Variants in OPCML observed in about 807,000 individuals in gnomAD.
The protein encoded by OPCML is opioid-binding protein/cell adhesion molecule.
Under a neutral mutation model 37.8 loss-of-function variants are expected in OPCML, and 13 were observed. The ratio of observed to expected loss-of-function variants is 0.34; its 90% CI spans 0.22 to 0.55. The LOEUF is 0.55. OPCML is among the 20% of genes least tolerant of loss of function. The pLI is 0.91. For synonymous variants in OPCML, 176 were observed against 168.8 expected, an observed-to-expected ratio of 1.04 and a Z score of -0.33; for missense variants, 341 against 435.6, an observed-to-expected ratio of 0.78 and a Z score of 1.93.
At chr11:132,712,493 T>C (rs1944308431) in intron 2 of OPCML, among the ~76,000 whole-genome samples, 1 of 152,210 alleles carries the variant, frequency 6.6e-6, no homozygotes, top group East Asian at 1.9e-4. Context: ...ACTGTTTCTT[T>C]CTTTTTAGCC....
rs1592143165 is a variant in OPCML at position 132,415,551 on chromosome 11, G to A, written c.*4642C>T. 6.6e-6 allele frequency: 1 copy of A among 152,188 alleles called. No homozygotes were observed. Among genetic ancestry groups the A allele is most frequent in the South Asian group, 2.1e-4 (1 of 4,832 alleles). The allele number at this position is 152,188 out of a possible 1,614,324, so 9.4% of individuals were successfully genotyped here. On this transcript the variant is annotated 3_prime_UTR_variant, in exon 8 of 8. Transcript: ENST00000524381. ...AATGTAGCCTCAAAAGGATGGTCGA[G>A]GGTTCGCAATCTTTCTTTCTCCACC... is the stretch of plus-strand genomic sequence containing the variant.
chr11:133,005,764 A>G (rs1216789910), intron 1 of OPCML: 2 of 983,130 alleles, frequency 2.0e-6, no homozygotes, highest in African/African-American at 1.7e-5. Flanking sequence ...TAAAAATTGA[A>G]TCACATTATT....
chr11:133,302,841 G>A (rs1486743262), intron 1 of OPCML, among the ~76,000 whole-genome samples: 1 of 152,084 alleles, frequency 6.6e-6, no homozygotes. Flanking sequence ...AATTTAAAGA[G>A]ATGTTACATA....
intron 1 of OPCML, among the ~76,000 whole-genome samples, chr11:133,232,320 T>C (rs2136390111): frequency 6.6e-6 from 1 of 152,368 alleles, no homozygotes; most frequent in South Asian, 2.1e-4. Context: ...GACTGAGGTC[T>C]AGTTTTAAAT....
intron 3 of OPCML, among the ~76,000 whole-genome samples, chr11:132,563,666 T>G (rs1225081698): frequency 3.3e-5 from 5 of 152,160 alleles, no homozygotes; most frequent in Admixed American, 1.3e-4. Flanking sequence ...TTAGACTCAC[T>G]TGACTGAAGA....
At chr11:132,818,608 T>TAGAGA (rs61194041) in intron 2 of OPCML, among the ~76,000 whole-genome samples, 1 of 129,192 alleles carries the variant, frequency 7.7e-6, no homozygotes, top group Non-Finnish European at 1.6e-5. Flanking sequence ...GATAGATAGA[T>TAGAGA]GATAGATAGA....
intron 2 of OPCML, among the ~76,000 whole-genome samples, chr11:132,799,643 C>T (rs1938528908): frequency 6.6e-6 from 1 of 151,676 alleles, no homozygotes; most frequent in South Asian, 2.1e-4. Flanking sequence ...TAATATGTGG[C>T]ACCGAGACAT....
At chr11:132,520,921 G>A (rs1272959219) in intron 4 of OPCML, among the ~76,000 whole-genome samples, 1 of 152,006 alleles carries the variant, frequency 6.6e-6, no homozygotes, top group Non-Finnish European at 1.5e-5. Flanking sequence ...TGAGATTGCT[G>A]GGTCAAATGG....
At chr11:133,097,783 T>C (rs1457342381) in intron 1 of OPCML, among the ~76,000 whole-genome samples, 1 of 152,196 alleles carries the variant, frequency 6.6e-6, no homozygotes, top group Non-Finnish European at 1.5e-5. Context: ...GACCAATTTC[T>C]TGAAAGATAT....
At chr11:132,577,359 C>A (rs1003244313) in intron 3 of OPCML, among the ~76,000 whole-genome samples, 2 of 151,990 alleles carry the variant, frequency 1.3e-5, no homozygotes, top group African/African-American at 2.4e-5. Flanking sequence ...AAAATATTAT[C>A]TTTAATTTTA....
At chr11:132,728,235 T>A (rs1203981763) in intron 2 of OPCML, among the ~76,000 whole-genome samples, 1 of 151,130 alleles carries the variant, frequency 6.6e-6, no homozygotes, top group Non-Finnish European at 1.5e-5. Context: ...AGAAAGGGAG[T>A]TGCGAATTAT....
chr11:133,307,934 A>G (rs899053318), intron 1 of OPCML, among the ~76,000 whole-genome samples: 1 of 151,898 alleles, frequency 6.6e-6, no homozygotes. Context: ...AAAGTTGTAT[A>G]CCTTTTTTTT....
intron 1 of OPCML, among the ~76,000 whole-genome samples, chr11:133,275,305 G>C (rs993734841): frequency 6.6e-6 from 1 of 152,040 alleles, no homozygotes; most frequent in African/African-American, 2.4e-5. Flanking sequence ...AGAAAAGAAA[G>C]GGCAGAAGTT....
At chr11:133,484,230 A>G (rs1947480614) in intron 1 of OPCML, among the ~76,000 whole-genome samples, 1 of 152,170 alleles carries the variant, frequency 6.6e-6, no homozygotes. Flanking sequence ...ATGTGTTTGA[A>G]TTATTCTTTA....
intron 1 of OPCML, among the ~76,000 whole-genome samples, chr11:133,103,962 T>G (rs2137077235): frequency 6.6e-6 from 1 of 152,312 alleles, no homozygotes. Flanking sequence ...CCTTTCACAG[T>G]GCAAGTTTTT....
chr11:132,753,540 A>C (rs914731743), intron 2 of OPCML, among the ~76,000 whole-genome samples: 1 of 152,252 alleles, frequency 6.6e-6, no homozygotes, highest in South Asian at 2.1e-4. Flanking sequence ...AAATCTAAAT[A>C]GATGTGTACC....
intron 2 of OPCML, among the ~76,000 whole-genome samples, chr11:132,915,236 A>G (rs982723005): frequency 2.6e-5 from 4 of 152,192 alleles, no homozygotes; most frequent in Admixed American, 1.3e-4. Context: ...TATATATGTG[A>G]ACGTGTATAC....
At chr11:132,805,030 A>G (rs1348654208) in intron 2 of OPCML, among the ~76,000 whole-genome samples, 1 of 152,214 alleles carries the variant, frequency 6.6e-6, no homozygotes, top group Admixed American at 6.5e-5. Flanking sequence ...TCACAAAATT[A>G]TAGGAAAATA....
chr11:132,812,096 C>CT (rs2136228054), intron 2 of OPCML, among the ~76,000 whole-genome samples: 1 of 152,286 alleles, frequency 6.6e-6, no homozygotes, highest in East Asian at 1.9e-4. Flanking sequence ...GCACCAGCTT[C>CT]TTCAGGGGTC....
Sources: gnomAD v4.1 joint callset for allele counts (sites outside exome capture counted in the v4.1 genomes callset) on GRCh38, gnomAD v4.1.1 for gene constraint, MANE v1.5 for transcripts, NCBI Gene and HGNC (gene_info 2026-07-23, HGNC 2026-07-21) for gene names.